Variants in PDZD2 observed in about 807,000 individuals in gnomAD.
The protein encoded by PDZD2 is PDZ domain-containing protein 2.
PDZD2 carries 90 observed loss-of-function variants against 220.7 expected under a neutral mutation model. The ratio of observed to expected loss-of-function variants is 0.41; its 90% CI spans 0.34 to 0.49. PDZD2 has a LOEUF of 0.49. PDZD2 is among the 20% of genes least tolerant of loss of function. The pLI, the probability that PDZD2 is intolerant of heterozygous loss-of-function variation, is 0.28. For missense variants in PDZD2, 3,174 were observed against 3,608.5 expected (o/e 0.88, Z 3.08); for synonymous variants, 1,375 against 1,450.5 (o/e 0.95, Z 1.18).
At chr5:31,826,283 G>A (rs569241124) in intron 2 of PDZD2, among the ~76,000 whole-genome samples, 2 of 152,256 alleles carry the variant, frequency 1.3e-5, no homozygotes, top group South Asian at 4.2e-4. Context: ...TGCCACCGTG[G>A]TGGGGAGGGT....
intron 22 of PDZD2, 105 bp downstream of exon 22, chr5:32,097,485 T>G (rs1743833636): frequency 1.4e-6 from 1 of 736,098 alleles, no homozygotes; most frequent in Admixed American, 2.2e-5. Flanking sequence ...ATTGCTGGAT[T>G]TCATTCCCAG....
chr5:31,824,964 C>T (rs1756125535), intron 2 of PDZD2, among the ~76,000 whole-genome samples: 1 of 152,170 alleles, frequency 6.6e-6, no homozygotes, highest in African/African-American at 2.4e-5. Context: ...TGTAGAAAAA[C>T]AGACCCTTTG....
Position 32,087,079 on chromosome 5 carries a change from T to G in PDZD2, c.3683-52T>G. 1.0e-6 allele frequency: 1 copy of G among 955,566 alleles called. No homozygotes were observed. Among genetic ancestry groups the G allele is most frequent in the Non-Finnish European group, 1.6e-6 (1 of 623,348 alleles). 59.2% of individuals were successfully genotyped at this position (955,566 alleles called of 1,614,324 possible). A position where few individuals can be genotyped will look rare whatever the true frequency, so the allele number is the denominator to read the frequency against. ...GCTTTCTTATATTATCCCTTTTATC[T>G]CCCCTACAACCTCTCCTGTGTATGT... is the stretch of plus-strand genomic sequence containing the variant. On this transcript the variant is annotated intron_variant, in intron 19 of 24. Transcript: ENST00000438447. The surrounding 1 kb of genome is among the most constrained non-coding windows in gnomAD (Gnocchi z 4.0).
At chr5:32,012,688 CA>C (rs1753421918) in intron 6 of PDZD2, among the ~76,000 whole-genome samples, 1 of 151,510 alleles carries the variant, frequency 6.6e-6, no homozygotes. Flanking sequence ...GCACCTGGCC[CA>C]AAAAAATTTC....
chr5:32,090,685 C>T lies in PDZD2; in HGVS notation c.7237C>T (p.Gln2413Ter), dbSNP rs1353164842. 4 of 1,614,068 alleles carry T rather than the reference C, an allele frequency of 2.5e-6. No homozygotes were observed. Among genetic ancestry groups the T allele is most frequent in the Non-Finnish European group, 3.4e-6 (4 of 1,180,056 alleles). The stretch of plus-strand genomic sequence containing the variant: ...AAGCGAAGCCGGCACCCTCCTGCCC[C>T]AGATGGCCAAGTCTCCCTCAATCAT... The part of the protein sequence containing the change: ...NQSEAGTLLP[Q>*]MAKSPSIMTL... Residue 2413 changes from glutamine to a stop codon, truncating the protein, a stop_gained, in exon 20 of 25, where the codon CAG (glutamine) becomes TAG (stop). Coordinates refer to ENST00000438447, the MANE Select transcript of PDZD2 (RefSeq NM_178140.4). LOFTEE classifies it high-confidence loss of function. This position sits in a 1 kb window ranked among gnomAD's most constrained non-coding sequence, Gnocchi z 4.3.
intron 2 of PDZD2, chr5:31,844,108 A>G (rs998497810): frequency 6.6e-6 from 1 of 152,186 alleles, no homozygotes; most frequent in African/African-American, 2.4e-5. Flanking sequence ...CCTACCCTCA[A>G]TTCAGTGTTT....
intron 1 of PDZD2, chr5:31,738,162 C>T (rs1398236722): frequency 6.6e-6 from 1 of 152,170 alleles, no homozygotes; most frequent in African/African-American, 2.4e-5. Flanking sequence ...AAAATGATAG[C>T]GCACCTCACC....
chr5:31,760,067 A>T (rs1031229498), intron 1 of PDZD2, among the ~76,000 whole-genome samples: 1 of 152,048 alleles, frequency 6.6e-6, no homozygotes, highest in East Asian at 1.9e-4. Context: ...AGATGGGAGG[A>T]GGAGTGGGGA....
rs1206393980 is a variant in PDZD2, at chr5:32,089,776, G to A, written c.6328G>A (p.Ala2110Thr). The A allele has an allele frequency of 1.1e-5, 18 of 1,614,236 alleles. No individual in the cohort carries two copies. The South Asian group carries it at 1.2e-4, about 11-fold the overall frequency. Residue 2110 changes from alanine to threonine, a missense_variant, in exon 20 of 25, where the codon GCT (alanine) becomes ACT (threonine). Transcript: ENST00000438447. ...AGAGACTGTATGTGGTAACAAGCCA[G>A]CTGAAAGCGACAGACGGGGAGGGTG... ...VSETVCGNKP[A>T]ESDRRGGCLA...
At chr5:31,865,600 G>A (rs951404169) in intron 2 of PDZD2, among the ~76,000 whole-genome samples, 4 of 125,254 alleles carry the variant, frequency 3.2e-5, no homozygotes, top group Non-Finnish European at 4.9e-5. Context: ...GTGTTAGCCT[G>A]TAATCTGTGT....
At chr5:31,698,362 G>A (rs1487564253) in intron 1 of PDZD2, among the ~76,000 whole-genome samples, 4 of 150,236 alleles carry the variant, frequency 2.7e-5, no homozygotes, top group East Asian at 4.0e-4. Context: ...TTGGGAGGCC[G>A]AGGTGGGCGG....
rs996283501 is a variant in PDZD2 at position 32,089,098 on chromosome 5, A to C, written c.5650A>C (p.Lys1884Gln). 2.5e-6 allele frequency: 4 copies of C among 1,614,086 alleles called. No individual in the cohort carries two copies. In the South Asian group the frequency reaches 3.3e-5, roughly 13 times the overall value. The change falls in exon 20 of 25, where the codon AAG (lysine) becomes CAG (glutamine). Residue 1884 changes from lysine (K) to glutamine (Q), a missense_variant. By Grantham distance (53) the Lys-to-Gln change is moderately conservative. Transcript: ENST00000438447. ...TGGTCAGAAGGCAAAGTGTGGTCCG[A>C]AGCTGAAGAGGCTCAGCCTCAAGGG... is the stretch of plus-strand genomic sequence containing the variant. The part of the protein sequence containing the change: ...TNGQKAKCGP[K>Q]LKRLSLKGKA...
rs1487726509 is a variant in PDZD2, at chr5:32,000,003, C to G, written c.1122-136C>G. The G allele has an allele frequency of 1.9e-5, 13 of 673,720 alleles. 1 individual carries two copies. The highest frequency in any genetic ancestry group is 2.8e-5 in the Non-Finnish European group (11 of 386,984). The allele number at this position is 673,720 out of a possible 1,614,324, so 41.7% of individuals were successfully genotyped here. The stretch of plus-strand genomic sequence containing the variant: ...AATAAACAATCGCATCCCCAACTGC[C>G]TCTGGCCATCACAGTATCCTCTTTA... On this transcript the variant is annotated intron_variant, in intron 4 of 24. Transcript: ENST00000438447. This position sits in a 1 kb window ranked among gnomAD's most constrained non-coding sequence, Gnocchi z 4.5.
intron 2 of PDZD2, among the ~76,000 whole-genome samples, chr5:31,936,859 A>T (rs1745781826): frequency 6.6e-6 from 1 of 152,328 alleles, no homozygotes; most frequent in East Asian, 1.9e-4. Context: ...GAATGCACTA[A>T]TGTTTTCTCC....
At chr5:31,939,864 C>T (rs1436623191) in intron 2 of PDZD2, among the ~76,000 whole-genome samples, 3 of 152,134 alleles carry the variant, frequency 2.0e-5, no homozygotes, top group African/African-American at 7.2e-5. Context: ...CCAAGCCAGA[C>T]GTCTGCATAT....
intron 24 of PDZD2, among the ~76,000 whole-genome samples, chr5:32,102,761 A>G (rs1744372258): frequency 6.6e-6 from 1 of 152,118 alleles, no homozygotes; most frequent in African/African-American, 2.4e-5. Flanking sequence ...CGAAGAGGGT[A>G]TTCAGAAGGA....
intron 1 of PDZD2, among the ~76,000 whole-genome samples, chr5:31,690,579 C>T (rs1369569230): frequency 1.3e-5 from 2 of 152,166 alleles, no homozygotes; most frequent in African/African-American, 2.4e-5. Flanking sequence ...ATCCCTGTTC[C>T]TTAGCTGTGG....
At chr5:32,049,124 A>C (rs552680433) in intron 8 of PDZD2, among the ~76,000 whole-genome samples, 1 of 152,118 alleles carries the variant, frequency 6.6e-6, no homozygotes, top group African/African-American at 2.4e-5. Flanking sequence ...GTTACACAGT[A>C]ATGACTCAAG....
At chr5:32,057,766 CCTTT>C in intron 11 of PDZD2, 38 bp downstream of exon 11, 1 of 1,460,940 alleles carries the variant, frequency 6.8e-7, no homozygotes, top group Non-Finnish European at 9.5e-7. Flanking sequence ...ATCCTATTTT[CCTTT>C]CTTTATTTCC....
Sources: allele counts gnomAD v4.1 joint callset (sites outside exome capture counted in the v4.1 genomes callset), GRCh38; gene constraint gnomAD v4.1.1; non-coding constraint Gnocchi (gnomAD v3.1); transcripts MANE v1.5; gene names NCBI Gene and HGNC (gene_info 2026-07-23, HGNC 2026-07-21).